ROBO1: variants seen among roughly 807,000 people sequenced by gnomAD.
ROBO1 encodes roundabout guidance receptor 1, also known as roundabout homolog 1.
In ROBO1, 149 loss-of-function variants were observed where a neutral mutation model predicts 195.9. The observed-to-expected ratio is 0.76, with a 90% confidence interval of 0.67 to 0.87. ROBO1 has a LOEUF of 0.87. Ranked by LOEUF, ROBO1 falls within the 40% of genes least tolerant of loss-of-function variation. The pLI, the probability that ROBO1 is intolerant of heterozygous loss-of-function variation, is 0.00. For synonymous variants in ROBO1, 816 were observed against 733.2 expected (o/e 1.11, Z -1.82); for missense variants, 1,933 against 2,068.3 (o/e 0.93, Z 1.27).
At chr3:79,046,262 C>G (rs1282330586) in intron 3 of ROBO1, among the ~76,000 whole-genome samples, 1 of 151,974 alleles carries the variant, frequency 6.6e-6, no homozygotes, top group Non-Finnish European at 1.5e-5. Flanking sequence ...GGCAAACAGT[C>G]AGTGAGACCC....
intron 2 of ROBO1, among the ~76,000 whole-genome samples, chr3:79,501,884 C>T (rs1940091870): frequency 6.6e-6 from 1 of 152,164 alleles, no homozygotes; most frequent in Non-Finnish European, 1.5e-5. Flanking sequence ...AACAATGTCC[C>T]TCTTTATTTT....
intron 2 of ROBO1, among the ~76,000 whole-genome samples, chr3:79,273,450 T>A (rs2030751285): frequency 6.6e-6 from 1 of 152,054 alleles, no homozygotes; most frequent in Non-Finnish European, 1.5e-5. Flanking sequence ...CAGTTTTAAA[T>A]AATGGGTTGT....
At chr3:79,746,958 C>T (rs137882318) in intron 1 of ROBO1, among the ~76,000 whole-genome samples, 1 of 152,066 alleles carries the variant, frequency 6.6e-6, no homozygotes, top group East Asian at 1.9e-4. Flanking sequence ...ATCAGTTATA[C>T]TTTGCTAAAT....
intron 2 of ROBO1, among the ~76,000 whole-genome samples, chr3:79,412,785 T>C (rs907127680): frequency 1.3e-5 from 2 of 149,038 alleles, no homozygotes; most frequent in African/African-American, 2.5e-5. Context: ...CTGCAATGCA[T>C]CATAAACACT....
chr3:79,159,151 C>T (rs994995445), intron 2 of ROBO1, among the ~76,000 whole-genome samples: 8 of 151,894 alleles, frequency 5.3e-5, no homozygotes, highest in African/African-American at 9.7e-5. Flanking sequence ...CAAGAGCTAA[C>T]GCATCTTAGC....
chr3:79,674,065 T>C (rs1349067926), intron 1 of ROBO1, among the ~76,000 whole-genome samples: 1 of 152,026 alleles, frequency 6.6e-6, no homozygotes, highest in Non-Finnish European at 1.5e-5. Context: ...ATCTACTGCT[T>C]TCCTGAAAAT....
At chr3:79,542,478 T>C (rs1942109668) in intron 2 of ROBO1, among the ~76,000 whole-genome samples, 1 of 152,090 alleles carries the variant, frequency 6.6e-6, no homozygotes, top group Non-Finnish European at 1.5e-5. Context: ...AAGCTAACTT[T>C]AGCTAATTAG....
At chr3:79,540,256 C>T (rs34266557) in intron 2 of ROBO1, among the ~76,000 whole-genome samples, 29,284 of 151,898 alleles carry the variant, frequency 0.19, 3,365 homozygotes, top group African/African-American at 0.3. Context: ...GATTTTGTTT[C>T]GAGCCCAGAA....
At chr3:78,948,495 G>A (rs2040583469) in intron 3 of ROBO1, among the ~76,000 whole-genome samples, 1 of 152,122 alleles carries the variant, frequency 6.6e-6, no homozygotes. Context: ...CAATAAAGTA[G>A]GTATTGATGG....
chr3:79,589,242 T>G (rs1470618751), intron 2 of ROBO1, among the ~76,000 whole-genome samples: 1 of 151,704 alleles, frequency 6.6e-6, no homozygotes, highest in Non-Finnish European at 1.5e-5. Context: ...TAAAACAGTA[T>G]AAGTAAAGCA....
intron 1 of ROBO1, among the ~76,000 whole-genome samples, chr3:79,629,979 A>C (rs1158137590): frequency 6.6e-6 from 1 of 152,002 alleles, no homozygotes; most frequent in Admixed American, 6.6e-5. Flanking sequence ...TGAGTAATAA[A>C]ATTGAATCAG....
intron 2 of ROBO1, among the ~76,000 whole-genome samples, chr3:79,414,148 T>C (rs1247931746): frequency 3.3e-5 from 5 of 151,958 alleles, no homozygotes; most frequent in Non-Finnish European, 5.9e-5. Context: ...CTTATTCACC[T>C]GGAAGTAGAG....
At chr3:78,680,637 C>A (rs2080877416) in intron 10 of ROBO1, among the ~76,000 whole-genome samples, 1 of 150,398 alleles carries the variant, frequency 6.6e-6, no homozygotes, top group Non-Finnish European at 1.5e-5. Flanking sequence ...AATGAGATAC[C>A]ATCTCACACC....
chr3:79,227,932 T>A (rs147228004), intron 2 of ROBO1, among the ~76,000 whole-genome samples: 1 of 152,214 alleles, frequency 6.6e-6, no homozygotes, highest in Admixed American at 6.5e-5. Flanking sequence ...AATGTCATGT[T>A]CAATAATTGT....
At position 78,668,048 on chromosome 3, in the gene ROBO1, G is replaced by A; in HGVS notation, c.1801C>T (p.His601Tyr). The A allele has an allele frequency of 1.2e-6, 2 of 1,613,426 alleles. No individual in the cohort carries two copies. Among genetic ancestry groups the A allele is most frequent in the South Asian group, 1.1e-5 (1 of 91,018 alleles). Residue 601 changes from histidine (H) to tyrosine (Y), a missense_variant and splice_region_variant, in exon 14 of 31, where the codon CAT becomes TAT. Physicochemically the swap from His to Tyr is moderately conservative, Grantham distance 83. Transcript: ENST00000464233. ...PTSYIIEAFS[H>Y]ASGSSWQTVA... ...GTCTGCCAGCTGCTACCAGATGCAT[G>A]GCTAAGGATAGACACACAGGTTAGA...
intron 1 of ROBO1, among the ~76,000 whole-genome samples, chr3:79,761,136 T>C (rs927859076): frequency 6.8e-6 from 1 of 148,090 alleles, no homozygotes; most frequent in Non-Finnish European, 1.5e-5. Context: ...CTACTAAATA[T>C]ATAATAATAA....
intron 2 of ROBO1, among the ~76,000 whole-genome samples, chr3:79,279,344 T>A (rs908384352): frequency 6.6e-6 from 1 of 151,996 alleles, no homozygotes; most frequent in Non-Finnish European, 1.5e-5. Context: ...AATAAATATT[T>A]CTTGATAGAA....
chr3:79,426,808 G>T (rs997985921), intron 2 of ROBO1, among the ~76,000 whole-genome samples: 2 of 152,046 alleles, frequency 1.3e-5, no homozygotes, highest in African/African-American at 4.8e-5. Context: ...AAAATTAAGT[G>T]ATTTAGTGTA....
intron 4 of ROBO1, among the ~76,000 whole-genome samples, chr3:78,909,643 C>A (rs1260605175): frequency 6.6e-6 from 1 of 151,712 alleles, no homozygotes; most frequent in Non-Finnish European, 1.5e-5. Flanking sequence ...ATAAATAAAT[C>A]ATCAACCTGA....
Sources: allele counts gnomAD v4.1 joint callset (sites outside exome capture counted in the v4.1 genomes callset), GRCh38; gene constraint gnomAD v4.1.1; transcripts MANE v1.5; gene names NCBI Gene and HGNC (gene_info 2026-07-23, HGNC 2026-07-21).